Variants in POLH observed in about 807,000 individuals in gnomAD.
POLH encodes DNA polymerase eta transcript.
In POLH, 53 loss-of-function variants were observed where a neutral mutation model predicts 73.6. That is an observed-to-expected ratio of 0.72 (90% CI 0.58 to 0.91). POLH has a LOEUF of 0.91. Among genes scored for constraint, POLH ranks in the 40% least tolerant of loss-of-function variants. The pLI, the probability that POLH is intolerant of heterozygous loss-of-function variation, is 0.00. For missense variants in POLH, 768 were observed against 865.4 expected, an observed-to-expected ratio of 0.89 and a Z score of 1.41; for synonymous variants, 292 against 308.5, an observed-to-expected ratio of 0.95 and a Z score of 0.56.
chr6:43,612,304 A>G (rs1304729702), intron 10 of POLH, among the ~76,000 whole-genome samples: 1 of 152,008 alleles, frequency 6.6e-6, no homozygotes, highest in Non-Finnish European at 1.5e-5. Flanking sequence ...TTATCTGATT[A>G]TAAGACTGTC....
Position 43,617,216 on chromosome 6 carries a change from T to C in POLH, c.*2659T>C, listed in dbSNP as rs9462906. ...AACCCACTAGATCATCTCTAGAACA[T>C]TGCTACTCCCAAGTATGATTTGAGG... On this transcript the variant is annotated 3_prime_UTR_variant, in exon 11 of 11. Transcript: ENST00000372236. Among the ~76,000 whole-genome samples the C allele has an allele frequency of 0.018, 2,803 of 152,154 alleles. 103 individuals carry two copies. Among genetic ancestry groups the C allele is most frequent in the African/African-American group, 0.063 (2,616 of 41,512 alleles).
chr6:43,610,606 A>G lies in POLH; in HGVS notation c.1127A>G (p.Lys376Arg), dbSNP rs1767790894. 2.5e-6 allele frequency: 4 copies of G among 1,614,068 alleles called. No homozygotes were observed. Among genetic ancestry groups the G allele is most frequent in the Admixed American group, 1.7e-5 (1 of 60,012 alleles). The change falls in exon 10 of 11, where the codon AAA (lysine) becomes AGA (arginine). Residue 376 changes from lysine (K) to arginine (R), a missense_variant. Transcript: ENST00000372236. ...GTGAGCATTCGTGTACAAGGAGACAAACGCCTCAGCAGCCTGCGCCGCTGC... is the reference window on the plus strand; with the variant it reads ...GTGAGCATTCGTGTACAAGGAGACAGACGCCTCAGCAGCCTGCGCCGCTGC... Reference protein sequence around the residue: ...LVVSIRVQGDKRLSSLRRCCA... With the variant: ...LVVSIRVQGDRRLSSLRRCCA...
Position 43,619,924 on chromosome 6 carries a change from A to G in POLH, c.*5367A>G, listed in dbSNP as rs1768602012. Among the ~76,000 whole-genome samples, 1 of 152,152 alleles carries G rather than the reference A, an allele frequency of 6.6e-6. No individual in the cohort carries two copies. The highest frequency in any genetic ancestry group is 2.4e-5 in the African/African-American group (1 of 41,420). The stretch of plus-strand genomic sequence containing the variant: ...TGCCACATAGGACTTTGGGTCACAT[A>G]TTTCTTTTCCAGGGTCTCCTCAAAA... On this transcript the variant is annotated 3_prime_UTR_variant, in exon 11 of 11. Coordinates refer to ENST00000372236, the MANE Select transcript of POLH (RefSeq NM_006502.3).
intron 9 of POLH, among the ~76,000 whole-genome samples, chr6:43,607,081 A>G (rs1057275167): frequency 6.6e-6 from 1 of 152,162 alleles, no homozygotes; most frequent in African/African-American, 2.4e-5. Flanking sequence ...ATTAGTACTT[A>G]GTCATTTTTT....
chr6:43,588,618 A>C (rs185997327), intron 4 of POLH: 1 of 151,756 alleles, frequency 6.6e-6, no homozygotes, highest in East Asian at 1.9e-4. Context: ...ACACGCTGCT[A>C]ATTTTTGTAT....
At chr6:43,611,563 CCTTA>C (rs1291584934) in intron 10 of POLH, among the ~76,000 whole-genome samples, 52 of 151,918 alleles carry the variant, frequency 3.4e-4, no homozygotes, top group African/African-American at 1.3e-3. Flanking sequence ...TTAATAAAGC[CCTTA>C]CTTTTTTTAA....
intron 4 of POLH, among the ~76,000 whole-genome samples, chr6:43,597,491 A>T (rs1169439400): frequency 6.6e-6 from 1 of 152,222 alleles, no homozygotes; most frequent in Non-Finnish European, 1.5e-5. Flanking sequence ...GCACTATAAA[A>T]TTCAGCCTAT....
chr6:43,614,446 A>G lies in POLH; in HGVS notation c.2031A>G (p.Val677=), dbSNP rs746206386. 6.2e-7 allele frequency: 1 copy of G among 1,614,192 alleles called. No homozygotes were observed. The highest frequency in any genetic ancestry group is 8.5e-7 in the Non-Finnish European group (1 of 1,180,032). The change falls in exon 11 of 11, where the codon GTA becomes GTG. Residue 677 remains valine, a synonymous_variant. Coordinates refer to ENST00000372236, the MANE Select transcript of POLH (RefSeq NM_006502.3). ...CAAACCCCCAGGTTGTTTCTGCCGT[A>G]TCTCATCAAGGCAAAAGAAATCCCA... The part of the protein sequence containing the change: ...HSSNPQVVSA[V]SHQGKRNPKS...
At chr6:43,600,961 A>G (rs1489492961) in intron 5 of POLH, 27 bp from the exon 6 acceptor site, 1 of 1,433,876 alleles carries the variant, frequency 7.0e-7, no homozygotes, top group Non-Finnish European at 9.8e-7. Context: ...GACAGTAATG[A>G]GGTTTTTATA....
chr6:43,603,343 C>G lies in POLH; in HGVS notation c.765-549C>G, dbSNP rs141969480. 3.8e-3 allele frequency among the ~76,000 whole-genome samples: 573 copies of G among 152,132 alleles called. 2 individuals carry two copies. The highest frequency in any genetic ancestry group is 0.031 in the Middle Eastern group (9 of 294). On this transcript the variant is annotated intron_variant, in intron 6 of 10. Coordinates refer to ENST00000372236, the MANE Select transcript of POLH (RefSeq NM_006502.3). ...ACAGGGTTTCGCCATGTTGTTCAGACTGTTCTCAAACTCCTGGGCTCAGGT... is the reference window on the plus strand; with the variant it reads ...ACAGGGTTTCGCCATGTTGTTCAGAGTGTTCTCAAACTCCTGGGCTCAGGT...
chr6:43,613,255 C>A (rs548980940), intron 10 of POLH, among the ~76,000 whole-genome samples: 1 of 152,240 alleles, frequency 6.6e-6, no homozygotes, highest in South Asian at 2.1e-4. Context: ...TTTTTCAAGT[C>A]TTTCTAGTCT....
chr6:43,579,877 ATTG>A (rs1157188402), intron 1 of POLH, among the ~76,000 whole-genome samples: 1 of 148,896 alleles, frequency 6.7e-6, no homozygotes, highest in Non-Finnish European at 1.5e-5. Flanking sequence ...TACCTTATTG[ATTG>A]TTGTTGAGTG....
chr6:43,592,643 C>CT (rs1765593814), intron 4 of POLH, among the ~76,000 whole-genome samples: 1 of 152,126 alleles, frequency 6.6e-6, no homozygotes, highest in African/African-American at 2.4e-5. Flanking sequence ...TCTCGATCTC[C>CT]TGACCTCGTG....
At position 43,615,657 on chromosome 6, in the gene POLH, A is replaced by G. The variant is rs1361443675; in HGVS notation, c.*1100A>G. The G allele has an allele frequency of 6.6e-6, 1 of 152,122 alleles. No homozygotes were observed. The highest frequency in any genetic ancestry group is 2.4e-5 in the African/African-American group (1 of 41,446). The allele number at this position is 152,122 out of a possible 1,614,324, so 9.4% of individuals were successfully genotyped here. On this transcript the variant is annotated 3_prime_UTR_variant, in exon 11 of 11. Coordinates refer to ENST00000372236, the MANE Select transcript of POLH (RefSeq NM_006502.3). ...ATGAGACTTGCATAGTTAAAAAAAA[A>G]AAAGGGATTATTTTTATTTTTATTT...
intron 10 of POLH, 105 bp downstream of exon 10, chr6:43,610,828 ATCAC>A: frequency 1.0e-6 from 1 of 954,502 alleles, no homozygotes. Context: ...ATTGTGTCTA[ATCAC>A]TCAAATTTTC....
chr6:43,614,575 C>T lies in POLH; in HGVS notation c.*18C>T, dbSNP rs1209318686. 2 of 1,598,730 alleles carry T rather than the reference C, an allele frequency of 1.3e-6. No individual in the cohort carries two copies. The highest frequency in any genetic ancestry group is 1.3e-5 in the African/African-American group (1 of 74,628). ...CACATTAGTGCTGCCCTCAGGCTTG[C>T]CTGTAGGATTTAATATTTTTTATCT... On this transcript the variant is annotated 3_prime_UTR_variant, in exon 11 of 11. Transcript: ENST00000372236.
intron 3 of POLH, among the ~76,000 whole-genome samples, chr6:43,584,110 T>G (rs1325985411): frequency 6.6e-6 from 1 of 152,178 alleles, no homozygotes; most frequent in Non-Finnish European, 1.5e-5. Context: ...ACCACTGCAC[T>G]CCGGTCTGGG....
intron 4 of POLH, among the ~76,000 whole-genome samples, chr6:43,596,375 C>T (rs533373793): frequency 1.5e-3 from 222 of 151,742 alleles, no homozygotes; most frequent in African/African-American, 4.4e-3. Flanking sequence ...CCCAGCTACT[C>T]GGGAGGCTGA....
Position 43,617,706 on chromosome 6 carries a change from T to C in POLH, c.*3149T>C, listed in dbSNP as rs1768441897. 6.6e-6 allele frequency among the ~76,000 whole-genome samples: 1 copy of C among 151,760 alleles called. No individual in the cohort carries two copies. The highest frequency in any genetic ancestry group is 1.5e-5 in the Non-Finnish European group (1 of 67,976). ...GCACTTTGGGAGGCTGAGGTGGGTG[T>C]ATCACGAGGTCAAGAGATCAAGGCC... On this transcript the variant is annotated 3_prime_UTR_variant, in exon 11 of 11. Coordinates refer to ENST00000372236, the MANE Select transcript of POLH (RefSeq NM_006502.3).
Sources: allele counts gnomAD v4.1 joint callset (sites outside exome capture counted in the v4.1 genomes callset), GRCh38; gene constraint gnomAD v4.1.1; transcripts MANE v1.5; gene names NCBI Gene and HGNC (gene_info 2026-07-23, HGNC 2026-07-21).